Variants in MED4 observed in about 807,000 individuals in gnomAD.
MED4 encodes mediator complex subunit 4, also known as mediator of RNA polymerase II transcription subunit 4.
Under a neutral mutation model 35.0 loss-of-function variants are expected in MED4, and 21 were observed. That is an observed-to-expected ratio of 0.60 (90% CI 0.43 to 0.86). MED4 has a LOEUF of 0.86. Among genes scored for constraint, MED4 ranks in the 40% least tolerant of loss-of-function variants. The probability of loss-of-function intolerance (pLI) is 0.00; values close to 1 mark genes in which losing one functional copy is unlikely to be tolerated. For synonymous variants in MED4, 138 were observed against 114.0 expected (o/e 1.21, Z -1.34); for missense variants, 300 against 319.4 (o/e 0.94, Z 0.46).
chr13:48,084,153 G>A (rs1277651764), intron 3 of MED4, among the ~76,000 whole-genome samples: 1 of 151,974 alleles, frequency 6.6e-6, no homozygotes, highest in Admixed American at 6.6e-5. Flanking sequence ...TCAGCTACTT[G>A]GGAGGCTGAG....
intron 2 of MED4, among the ~76,000 whole-genome samples, chr13:48,089,547 G>C (rs1300724659): frequency 6.6e-6 from 1 of 151,910 alleles, no homozygotes; most frequent in African/African-American, 2.4e-5. Context: ...GTTCAAGACT[G>C]ACCTGGGCTA....
intron 2 of MED4, among the ~76,000 whole-genome samples, chr13:48,087,829 GAC>G (rs1950863722): frequency 6.6e-6 from 1 of 151,500 alleles, no homozygotes; most frequent in South Asian, 2.1e-4. Context: ...CAGCCTGGGT[GAC>G]AGAGCAAGAC....
chr13:48,094,976 C>CT lies in MED4; in HGVS notation c.102_103insA (p.Glu35ArgfsTer8). On this transcript the variant is annotated frameshift_variant, in exon 1 of 7. Coordinates refer to ENST00000258648, the MANE Select transcript of MED4 (RefSeq NM_014166.4). LOFTEE classifies it high-confidence loss of function. ...TACCTAGACAGGACCTCCAAGTCCT[C>CT]AAGCGCAGACAGCAGCCGCTCTCGT... 1 of 1,603,956 alleles carries CT rather than the reference C, an allele frequency of 6.2e-7. No homozygotes were observed.
At chr13:48,087,577 C>T (rs1032256154) in intron 2 of MED4, among the ~76,000 whole-genome samples, 15 of 151,968 alleles carry the variant, frequency 9.9e-5, no homozygotes, top group Non-Finnish European at 2.1e-4. Flanking sequence ...TTCGGCCAGG[C>T]GCAGTGGCTC....
At chr13:48,082,718 T>G (rs139717564) in intron 4 of MED4, among the ~76,000 whole-genome samples, 1 of 151,934 alleles carries the variant, frequency 6.6e-6, no homozygotes, top group Non-Finnish European at 1.5e-5. Context: ...TCCCAGCTAC[T>G]CGGGAGGCTG....
intron 5 of MED4, among the ~76,000 whole-genome samples, chr13:48,080,339 G>A (rs1950796133): frequency 7.0e-6 from 1 of 142,220 alleles, no homozygotes; most frequent in Non-Finnish European, 1.5e-5. Flanking sequence ...AGAGGTTGCA[G>A]TGAGCTGAGA....
At chr13:48,081,798 T>TG in intron 4 of MED4, 67 bp from the exon 5 acceptor site, 11 of 946,788 alleles carry the variant, frequency 1.2e-5, no homozygotes, top group Non-Finnish European at 1.7e-5. Context: ...GAAATGTATC[T>TG]ATCAGTTACA....
Position 48,095,059 on chromosome 13 carries a change from C to G in MED4, c.20G>C (p.Gly7Ala). 1 of 1,605,088 alleles carries G rather than the reference C, an allele frequency of 6.2e-7. No individual in the cohort carries two copies. Among genetic ancestry groups the G allele is most frequent in the Non-Finnish European group, 8.5e-7 (1 of 1,179,906 alleles). Reference protein sequence around the residue: MAASSSGEKEKERLGGG... With the variant: MAASSSAEKEKERLGGG... ...TCCCAGCCGCTCCTTCTCCTTCTCACCACTCGAAGACGCAGCCATTTTCCC... is the reference window on the plus strand; with the variant it reads ...TCCCAGCCGCTCCTTCTCCTTCTCAGCACTCGAAGACGCAGCCATTTTCCC... The change falls in exon 1 of 7, where the codon GGT becomes GCT. Residue 7 changes from glycine (G) to alanine (A), a missense_variant. Gly to Ala is a moderately conservative substitution (Grantham distance 60, BLOSUM62 0). Transcript: ENST00000258648.
intron 1 of MED4, among the ~76,000 whole-genome samples, chr13:48,091,121 A>G (rs1448443996): frequency 6.6e-6 from 1 of 152,232 alleles, no homozygotes; most frequent in African/African-American, 2.4e-5. Flanking sequence ...GGTAAAATAA[A>G]ACAATTAAGG....
At position 48,079,871 on chromosome 13, in the gene MED4, C is replaced by G; in HGVS notation, c.613G>C (p.Asp205His). ...TNGVNGHLPG[D>H]ALAAGRLPDV... ...GGCAATCTTCCTGCTGCAAGTGCAT[C>G]TCCTGGTAAATGGCCATTCACGCCA... Residue 205 changes from aspartate (D) to histidine (H), a missense_variant, in exon 6 of 7, where the codon GAT (aspartate) becomes CAT (histidine). By Grantham distance (81) the Asp-to-His change is moderately conservative. Coordinates refer to ENST00000258648, the MANE Select transcript of MED4 (RefSeq NM_014166.4). 1 of 1,613,904 alleles carries G rather than the reference C, an allele frequency of 6.2e-7. No homozygotes were observed. The highest frequency in any genetic ancestry group is 8.5e-7 in the Non-Finnish European group (1 of 1,179,856).
intron 5 of MED4, among the ~76,000 whole-genome samples, chr13:48,080,862 G>A (rs926980419): frequency 1.3e-5 from 2 of 151,298 alleles, no homozygotes; most frequent in East Asian, 1.9e-4. Context: ...AAACTAATTC[G>A]TGTAAGTGGC....
chr13:48,079,987 A>G lies in MED4; in HGVS notation c.509-12T>C. On this transcript the variant is annotated splice_polypyrimidine_tract_variant and intron_variant, in intron 5 of 6. Transcript: ENST00000258648. Reference sequence around the variant, plus strand: ...TCTCCGGGGGTCCCCTAAAACAATAAAGACTGCATTTAATTCAATCATATT... The same window carrying G: ...TCTCCGGGGGTCCCCTAAAACAATAGAGACTGCATTTAATTCAATCATATT... The G allele has an allele frequency of 6.2e-7, 1 of 1,609,776 alleles. No homozygotes were observed. The highest frequency in any genetic ancestry group is 8.5e-7 in the Non-Finnish European group (1 of 1,178,070).
intron 3 of MED4, among the ~76,000 whole-genome samples, chr13:48,084,579 G>A (rs947938099): frequency 3.9e-5 from 6 of 152,118 alleles, no homozygotes; most frequent in Non-Finnish European, 8.8e-5. Flanking sequence ...AAACAAAGTG[G>A]ATACAATTAT....
In MED4 at chr13:48,083,359, C is replaced by G; in HGVS notation, c.421+12G>C. The G allele has an allele frequency of 6.2e-7, 1 of 1,609,622 alleles. No homozygotes were observed. Among genetic ancestry groups the G allele is most frequent in the Non-Finnish European group, 8.5e-7 (1 of 1,177,116 alleles). On this transcript the variant is annotated intron_variant, in intron 4 of 6. Transcript: ENST00000258648. ...AACTTTTCAGGTCATTCAGTCTTCC[C>G]ATGATACTAACCTTTTCTTGCTTTT...
chr13:48,082,822 G>A lies in MED4; in HGVS notation c.421+549C>T, dbSNP rs994718052. On this transcript the variant is annotated intron_variant, in intron 4 of 6. Coordinates refer to ENST00000258648, the MANE Select transcript of MED4 (RefSeq NM_014166.4). ...AGCCTGGGCGACAGAGCGAGACTCC[G>A]TCTCAAAAAAAAAAAAAAGGAGTAT... Among the ~76,000 whole-genome samples, 26 of 109,820 alleles carry A rather than the reference G, an allele frequency of 2.4e-4. 1 individual carries two copies. Among genetic ancestry groups the A allele is most frequent in the East Asian group, 1.4e-3 (6 of 4,222 alleles). The allele number at this position is 109,820 out of a possible 152,430, so 72.0% of individuals were successfully genotyped here. A position where few individuals can be genotyped will look rare whatever the true frequency, so the allele number is the denominator to read the frequency against.
chr13:48,083,368 A>T lies in MED4; in HGVS notation c.421+3T>A. 6.2e-7 allele frequency: 1 copy of T among 1,612,138 alleles called. No individual in the cohort carries two copies. Among genetic ancestry groups the T allele is most frequent in the Non-Finnish European group, 8.5e-7 (1 of 1,178,870 alleles). On this transcript the variant is annotated splice_donor_region_variant and intron_variant, in intron 4 of 6. Coordinates refer to ENST00000258648, the MANE Select transcript of MED4 (RefSeq NM_014166.4). Reference sequence around the variant, plus strand: ...GGTCATTCAGTCTTCCCATGATACTAACCTTTTCTTGCTTTTTCTATTGAC... The same window carrying T: ...GGTCATTCAGTCTTCCCATGATACTTACCTTTTCTTGCTTTTTCTATTGAC...
At chr13:48,077,479 C>A in intron 6 of MED4, 168 bp from the exon 7 acceptor site, 1 of 499,806 alleles carries the variant, frequency 2.0e-6, no homozygotes, top group Non-Finnish European at 3.3e-6. Context: ...TGCAGTGGCA[C>A]GAATACATCA....
At chr13:48,090,304 A>C in intron 2 of MED4, 48 bp downstream of exon 2, 1 of 1,418,576 alleles carries the variant, frequency 7.0e-7, no homozygotes, top group Non-Finnish European at 9.6e-7. Flanking sequence ...TTTTTCTTTT[A>C]ATTAAAAAAC....
At position 48,076,593 on chromosome 13, in the gene MED4, AATTT is replaced by A. The variant is rs1380808218; in HGVS notation, c.*542_*545del. The A allele has an allele frequency of 2.6e-5, 4 of 151,522 alleles. No homozygotes were observed. In the East Asian group the frequency reaches 5.8e-4, roughly 22 times the overall value. 9.4% of individuals were successfully genotyped at this position (151,522 alleles called of 1,614,324 possible). Reference sequence around the variant, plus strand: ...AAAAAAAGCATACAATGTACAAACAAATTTATTTACAAAAATTACAATTACAAAC... The same window carrying A: ...AAAAAAAGCATACAATGTACAAACAAATTTACAAAAATTACAATTACAAAC... On this transcript the variant is annotated 3_prime_UTR_variant, in exon 7 of 7. Coordinates refer to ENST00000258648, the MANE Select transcript of MED4 (RefSeq NM_014166.4).
Sources: allele counts gnomAD v4.1 joint callset (sites outside exome capture counted in the v4.1 genomes callset), GRCh38; gene constraint gnomAD v4.1.1; transcripts MANE v1.5; gene names NCBI Gene and HGNC (gene_info 2026-07-23, HGNC 2026-07-21).